The following CORO2B variants were observed in gnomAD, a reference collection of about 807,000 sequenced individuals.
CORO2B encodes coronin 2B.
A neutral mutation model predicts 58.8 loss-of-function variants in CORO2B; 26 were observed. That is an observed-to-expected ratio of 0.44 (90% confidence interval 0.32 to 0.61). The LOEUF (loss-of-function observed/expected upper bound fraction) is 0.61. Among genes scored for constraint, CORO2B ranks in the 20% least tolerant of loss-of-function variants. The probability of loss-of-function intolerance (pLI) is 0.04; values close to 1 mark genes in which losing one functional copy is unlikely to be tolerated. For missense variants in CORO2B, 460 were observed against 645.1 expected (o/e 0.71, Z 3.11); for synonymous variants, 242 against 253.8 (o/e 0.95, Z 0.44).
At chr15:68,691,983 A>G (rs1038175420) in intron 2 of CORO2B, among the ~76,000 whole-genome samples, 23 of 152,242 alleles carry the variant, frequency 1.5e-4, no homozygotes, top group African/African-American at 5.3e-4. Context: ...GATGGAAGGA[A>G]TGACTCTGTC....
the CORO2B span, among the ~76,000 whole-genome samples, chr15:68,554,341 C>T: frequency 1.3e-5 from 2 of 152,082 alleles, no homozygotes; most frequent in Admixed American, 6.5e-5. Context: ...AGATTTCCTA[C>T]CCAAGCTCTG....
upstream of CORO2B, chr15:68,578,949 C>A: frequency 1.6e-4 from 99 of 630,876 alleles, no homozygotes; most frequent in Middle Eastern, 8.2e-4. This position sits in a 1 kb window ranked among gnomAD's most constrained non-coding sequence, Gnocchi z 4.2. Flanking sequence ...GGCCCCTCTT[C>A]CTCCCCCCGC....
chr15:68,620,772 C>T (rs918064890), intron 1 of CORO2B, among the ~76,000 whole-genome samples: 1 of 152,168 alleles, frequency 6.6e-6, no homozygotes, highest in African/African-American at 2.4e-5. Flanking sequence ...GTCACTCAGC[C>T]ACTCACTCAG....
chr15:68,607,056 G>A (rs1269381995), intron 1 of CORO2B, among the ~76,000 whole-genome samples: 7 of 152,092 alleles, frequency 4.6e-5, no homozygotes, highest in South Asian at 2.1e-4. Context: ...CACCAAGCTC[G>A]AGATAGATAT....
intron 1 of CORO2B, among the ~76,000 whole-genome samples, chr15:68,615,093 T>C (rs1900322017): frequency 6.6e-6 from 1 of 152,186 alleles, no homozygotes; most frequent in Non-Finnish European, 1.5e-5. Flanking sequence ...CACAGCAGGC[T>C]TTCCTGGCTG....
At chr15:68,569,603 T>C in the CORO2B span, among the ~76,000 whole-genome samples, 2 of 152,376 alleles carry the variant, frequency 1.3e-5, no homozygotes, top group Middle Eastern at 6.8e-3. Flanking sequence ...AAAACATCTG[T>C]GTGCTGGTTT....
intron 4 of CORO2B, among the ~76,000 whole-genome samples, chr15:68,711,083 G>C (rs1175261650): frequency 6.6e-6 from 1 of 152,178 alleles, no homozygotes. Flanking sequence ...CACAGAGGCC[G>C]GAGGCATCTT....
Position 68,719,244 on chromosome 15 carries a change from CG to C in CORO2B, c.1171+16del, listed in dbSNP as rs760390035. 114 of 1,612,874 alleles carry C rather than the reference CG, an allele frequency of 7.1e-5. No individual in the cohort carries two copies. The South Asian group carries it at 1.2e-3, about 17-fold the overall frequency. ...GGAGGCATCAACCGAGGTACCACAG[CG>C]GGGGGCTCCACAGAGCACAGGCGGC... is the stretch of plus-strand genomic sequence containing the variant. On this transcript the variant is annotated intron_variant, in intron 10 of 11. Coordinates refer to ENST00000261861, the MANE Select transcript of CORO2B (RefSeq NM_006091.5).
intron 5 of CORO2B, among the ~76,000 whole-genome samples, chr15:68,712,621 A>G (rs1173686062): frequency 6.6e-6 from 1 of 152,202 alleles, no homozygotes; most frequent in Non-Finnish European, 1.5e-5. Flanking sequence ...ACTACAAATA[A>G]GAATAATGAG....
rs28460647 is a variant in CORO2B at position 68,681,227 on chromosome 15, T to A, written c.217-13913T>A. Among the ~76,000 whole-genome samples the A allele has an allele frequency of 4.4e-3, 17 of 3,850 alleles. No homozygotes were observed. The South Asian group carries it at 0.2, about 46-fold the overall frequency. 2.5% of individuals were successfully genotyped at this position (3,850 alleles called of 152,430 possible). A position where few individuals can be genotyped will look rare whatever the true frequency, so the allele number is the denominator to read the frequency against. ...GATCTCCCTCCATCTCAAAAAAAAA[T>A]TTTTTTTTGGAAAGAAAAGCTGAGG... On this transcript the variant is annotated intron_variant, in intron 2 of 11. Coordinates refer to ENST00000261861, the MANE Select transcript of CORO2B (RefSeq NM_006091.5).
At chr15:68,680,909 C>T (rs546853767) in intron 2 of CORO2B, among the ~76,000 whole-genome samples, 73 of 152,254 alleles carry the variant, frequency 4.8e-4, no homozygotes, top group African/African-American at 1.7e-3. Context: ...GGAAGAAGGG[C>T]TTAGAAAAGC....
At chr15:68,680,730 CTG>C (rs1168219317) in intron 2 of CORO2B, among the ~76,000 whole-genome samples, 1 of 152,194 alleles carries the variant, frequency 6.6e-6, no homozygotes, top group Non-Finnish European at 1.5e-5. Flanking sequence ...GGCTTTGCCG[CTG>C]TGTTAGTTAA....
intron 2 of CORO2B, among the ~76,000 whole-genome samples, chr15:68,665,709 T>C (rs1216047418): frequency 2.6e-5 from 4 of 152,112 alleles, no homozygotes; most frequent in Non-Finnish European, 4.4e-5. Context: ...TTGTATTATA[T>C]ATCCTTTTAA....
intron 3 of CORO2B, among the ~76,000 whole-genome samples, chr15:68,702,355 C>T (rs568623705): frequency 1.3e-5 from 2 of 152,296 alleles, no homozygotes; most frequent in East Asian, 3.9e-4. Flanking sequence ...ACGACCACTT[C>T]ATGCATCCTC....
chr15:68,663,129 C>T (rs7168514), intron 2 of CORO2B, among the ~76,000 whole-genome samples: 11,009 of 152,172 alleles, frequency 0.072, 872 homozygotes, highest in African/African-American at 0.19. Context: ...CTTTTTTACA[C>T]GAAGATCACC....
the CORO2B span, among the ~76,000 whole-genome samples, chr15:68,573,029 A>C: frequency 6.6e-6 from 1 of 152,074 alleles, no homozygotes; most frequent in Non-Finnish European, 1.5e-5. Flanking sequence ...ACACACACCC[A>C]CACACACTTG....
At chr15:68,602,724 A>C (rs1399922243) in intron 1 of CORO2B, among the ~76,000 whole-genome samples, 2 of 152,196 alleles carry the variant, frequency 1.3e-5, no homozygotes, top group East Asian at 3.9e-4. Flanking sequence ...TGCCAGTTTC[A>C]TAGTTCTCTA....
At chr15:68,714,723 C>A (rs1310966849) in intron 7 of CORO2B, 60 bp downstream of exon 7, 8 of 1,268,254 alleles carry the variant, frequency 6.3e-6, no homozygotes, top group Non-Finnish European at 9.2e-6. Context: ...CCTCAATGCA[C>A]CCCTGCACCT....
In CORO2B at chr15:68,634,863, G is replaced by T. The variant is rs11634366; in HGVS notation, c.16-10297G>T. 9.5e-3 allele frequency among the ~76,000 whole-genome samples: 1,453 copies of T among 152,322 alleles called. 14 individuals carry two copies. Among genetic ancestry groups the T allele is most frequent in the Non-Finnish European group, 0.013 (880 of 68,020 alleles). On this transcript the variant is annotated intron_variant, in intron 1 of 11. Coordinates refer to ENST00000261861, the MANE Select transcript of CORO2B (RefSeq NM_006091.5). ...CATTTGAGTCAAGGGTGGGGCCTGGGATTCTCCATTTCTAACCAGCTCCCA... is the reference window on the plus strand; with the variant it reads ...CATTTGAGTCAAGGGTGGGGCCTGGTATTCTCCATTTCTAACCAGCTCCCA...
Sources: allele counts gnomAD v4.1 joint callset (sites outside exome capture counted in the v4.1 genomes callset), GRCh38; gene constraint gnomAD v4.1.1; non-coding constraint Gnocchi (gnomAD v3.1); transcripts MANE v1.5; gene names NCBI Gene and HGNC (gene_info 2026-07-23, HGNC 2026-07-21).